WNT6: variants seen among roughly 807,000 people sequenced by gnomAD.
The protein encoded by WNT6 is Wnt family member 6.
In WNT6, 27 loss-of-function variants were observed where a neutral mutation model predicts 33.1. The ratio of observed to expected loss-of-function variants is 0.82; its 90% confidence interval spans 0.60 to 1.12. The LOEUF is 1.12. Among genes scored for constraint, WNT6 ranks in the 50% most tolerant of loss-of-function variants. WNT6 has a pLI of 0.00. For synonymous variants in WNT6, 249 were observed against 242.8 expected (o/e 1.03, Z -0.24); for missense variants, 494 against 535.3 (o/e 0.92, Z 0.76).
intron 1 of WNT6, 32 bp downstream of exon 1, chr2:218,860,149 C>T: frequency 6.7e-7 from 1 of 1,497,034 alleles, no homozygotes; most frequent in Non-Finnish European, 8.9e-7. Flanking sequence ...CGGCTCTGGA[C>T]CCTGGAGGGT....
chr2:218,860,013 C>T lies in WNT6; in HGVS notation c.-25C>T. ...GCCCCGCAGCCTCGCCCCCTGCCCA[C>T]CCGGGCGGCCGTAGGGCGGTCACGA... On this transcript the variant is annotated 5_prime_UTR_variant, in exon 1 of 4. Coordinates refer to ENST00000233948, the MANE Select transcript of WNT6 (RefSeq NM_006522.4). 1 of 1,429,368 alleles carries T rather than the reference C, an allele frequency of 7.0e-7. No individual in the cohort carries two copies. Among genetic ancestry groups the T allele is most frequent in the Non-Finnish European group, 9.2e-7 (1 of 1,088,952 alleles). 88.5% of individuals were successfully genotyped at this position (1,429,368 alleles called of 1,614,324 possible). A position where few individuals can be genotyped will look rare whatever the true frequency, so the allele number is the denominator to read the frequency against.
chr2:218,871,284 C>T lies in WNT6; in HGVS notation c.301+37C>T, dbSNP rs776865396. 7 of 1,579,526 alleles carry T rather than the reference C, an allele frequency of 4.4e-6. No individual in the cohort carries two copies. Among genetic ancestry groups the T allele is most frequent in the Non-Finnish European group, 6.0e-6 (7 of 1,158,716 alleles). On this transcript the variant is annotated intron_variant, in intron 2 of 3. Coordinates refer to ENST00000233948, the MANE Select transcript of WNT6 (RefSeq NM_006522.4). This position sits in a 1 kb window ranked among gnomAD's most constrained non-coding sequence, Gnocchi z 6.4. ...GAGGGGGCGGAAGTGGGGCTGCTTT[C>T]TCCCTGCTGTGGGACCCGAGGAGAG...
chr2:218,864,169 T>C (rs1944333754), intron 1 of WNT6, among the ~76,000 whole-genome samples: 1 of 152,192 alleles, frequency 6.6e-6, no homozygotes, highest in African/African-American at 2.4e-5. Context: ...ATACCTCCAA[T>C]CGGTGGATGT....
At chr2:218,863,771 C>T (rs1001128147) in intron 1 of WNT6, among the ~76,000 whole-genome samples, 5 of 152,188 alleles carry the variant, frequency 3.3e-5, no homozygotes, top group Non-Finnish European at 7.3e-5. Flanking sequence ...ATCACTCGAA[C>T]CTGGGAGGCT....
rs1400652211 is a variant in WNT6 at position 218,871,594 on chromosome 2, C to T, written c.411C>T (p.Pro137=). ...TGCTGCAGTGCGGCTGCCAGGCGCC[C>T]CGCGGGCGGGCCCCTCCCCGGCCCT... is the stretch of plus-strand genomic sequence containing the variant. ...GELLQCGCQA[P]RGRAPPRPSG... is the part of the protein sequence containing the mutation. The change falls in exon 3 of 4, where the codon CCC becomes CCT. Residue 137 remains proline, a synonymous_variant. Transcript: ENST00000233948. The surrounding 1 kb of genome is among the most constrained non-coding windows in gnomAD (Gnocchi z 6.4). 2.0e-6 allele frequency: 3 copies of T among 1,516,498 alleles called. No homozygotes were observed. The highest frequency in any genetic ancestry group is 2.6e-6 in the Non-Finnish European group (3 of 1,141,156). 93.9% of individuals were successfully genotyped at this position (1,516,498 alleles called of 1,614,324 possible). A position where few individuals can be genotyped will look rare whatever the true frequency, so the allele number is the denominator to read the frequency against.
At chr2:218,864,128 G>T (rs1015462996) in intron 1 of WNT6, among the ~76,000 whole-genome samples, 1 of 152,198 alleles carries the variant, frequency 6.6e-6, no homozygotes, top group Non-Finnish European at 1.5e-5. Context: ...CCCCCAGGAA[G>T]TTCTTTACAA....
In WNT6 at chr2:218,873,668, T is replaced by C; in HGVS notation, c.921T>C (p.Gly307=). Residue 307 remains glycine (G), a synonymous_variant, in exon 4 of 4, where the codon GGT becomes GGC. Transcript: ENST00000233948. The surrounding 1 kb of genome is among the most constrained non-coding windows in gnomAD (Gnocchi z 6.1). The part of the protein sequence containing the change: ...NRRTGSPGTR[G]RACNSSAPDL... ...GCACCGGCTCCCCCGGCACGCGCGG[T>C]CGCGCCTGCAATAGCAGCGCCCCGG... 1 of 1,582,174 alleles carries C rather than the reference T, an allele frequency of 6.3e-7. No individual in the cohort carries two copies. The highest frequency in any genetic ancestry group is 1.1e-5 in the South Asian group (1 of 88,548).
At position 218,873,623 on chromosome 2, in the gene WNT6, C is replaced by T. The variant is rs1402946858; in HGVS notation, c.876C>T (p.Asp292=). ...TCCTCTACGCCGCCGATTCGCCCGA[C>T]TTCTGCGCCCCCAACCGACGCACCG... ...ADLLYAADSP[D]FCAPNRRTGS... The change falls in exon 4 of 4, where the codon GAC becomes GAT. Residue 292 remains aspartate, a synonymous_variant. Coordinates refer to ENST00000233948, the MANE Select transcript of WNT6 (RefSeq NM_006522.4). This position sits in a 1 kb window ranked among gnomAD's most constrained non-coding sequence, Gnocchi z 6.1. 2 of 1,576,674 alleles carry T rather than the reference C, an allele frequency of 1.3e-6. No homozygotes were observed. The highest frequency in any genetic ancestry group is 1.7e-6 in the Non-Finnish European group (2 of 1,168,522).
Position 218,870,224 on chromosome 2 carries a change from T to TA in WNT6, c.81-786dup, listed in dbSNP as rs139408257. 4.5e-3 allele frequency among the ~76,000 whole-genome samples: 599 copies of TA among 132,960 alleles called. 1 individual carries two copies. Among genetic ancestry groups the TA allele is most frequent in the African/African-American group, 5.1e-3 (190 of 37,044 alleles). The allele number at this position is 132,960 out of a possible 152,430, so 87.2% of individuals were successfully genotyped here. A position where few individuals can be genotyped will look rare whatever the true frequency, so the allele number is the denominator to read the frequency against. ...TGACAGAGCAAGACTCCATCTCAATTAAAAAAAAAAAAAAAAAGAACGAAA... is the reference window on the plus strand; with the variant it reads ...TGACAGAGCAAGACTCCATCTCAATTAAAAAAAAAAAAAAAAAAGAACGAAA... On this transcript the variant is annotated intron_variant, in intron 1 of 3. Transcript: ENST00000233948.
intron 3 of WNT6, among the ~76,000 whole-genome samples, chr2:218,872,182 T>G (rs1430128076): frequency 2.0e-5 from 3 of 151,476 alleles, no homozygotes; most frequent in Non-Finnish European, 4.4e-5. Flanking sequence ...GGGTAGGAGG[T>G]CTGGATGCCT....
At chr2:218,866,486 T>A (rs1324518718) in intron 1 of WNT6, among the ~76,000 whole-genome samples, 1 of 152,146 alleles carries the variant, frequency 6.6e-6, no homozygotes, top group Non-Finnish European at 1.5e-5. Context: ...TCCACAATGC[T>A]GCCTGCACCC....
Position 218,874,163 on chromosome 2 carries a change from T to C in WNT6, c.*318T>C. On this transcript the variant is annotated 3_prime_UTR_variant, in exon 4 of 4. Transcript: ENST00000233948. ...AGCCAGTCTAAAGGCCTCTGGATAC[T>C]GGGCTCCCCAGAACTGCTGGCCACA... The C allele has an allele frequency of 2.9e-6, 1 of 349,820 alleles. No individual in the cohort carries two copies. Among genetic ancestry groups the C allele is most frequent in the East Asian group, 4.8e-5 (1 of 21,002 alleles). The allele number at this position is 349,820 out of a possible 1,614,324, so 21.7% of individuals were successfully genotyped here. A position where few individuals can be genotyped will look rare whatever the true frequency, so the allele number is the denominator to read the frequency against.
intron 1 of WNT6, among the ~76,000 whole-genome samples, 192 bp from the exon 2 acceptor site, chr2:218,870,835 A>T (rs976065513): frequency 2.0e-5 from 3 of 152,196 alleles, no homozygotes; most frequent in African/African-American, 7.2e-5. Context: ...ATCAGACTAG[A>T]CTCTAGTTAG....
At chr2:218,872,453 G>T (rs954056347) in intron 3 of WNT6, among the ~76,000 whole-genome samples, 3 of 152,174 alleles carry the variant, frequency 2.0e-5, no homozygotes, top group African/African-American at 7.2e-5. Flanking sequence ...CACCAGCCCA[G>T]GTCTCACCTG....
Position 218,871,095 on chromosome 2 carries a change from G to A in WNT6, c.149G>A (p.Arg50Gln), listed in dbSNP as rs1432729218. ...AGGAAGGCACGGCGGCTGGCCGGGC[G>A]GCAGGCCGAGTTGTGCCAGGCTGAG... ...ICRKARRLAGRQAELCQAEPE... is the reference protein window; with the variant it reads ...ICRKARRLAGQQAELCQAEPE... The change falls in exon 2 of 4, where the codon CGG becomes CAG. Residue 50 changes from arginine to glutamine, a missense_variant. Coordinates refer to ENST00000233948, the MANE Select transcript of WNT6 (RefSeq NM_006522.4). The surrounding 1 kb of genome is among the most constrained non-coding windows in gnomAD (Gnocchi z 6.4). 4 of 1,613,346 alleles carry A rather than the reference G, an allele frequency of 2.5e-6. No individual in the cohort carries two copies. The highest frequency in any genetic ancestry group is 1.7e-5 in the Admixed American group (1 of 59,980).
Position 218,871,965 on chromosome 2 carries a change from G to T in WNT6, c.636+146G>T. ...GGGAGTGCGCACGGGCGGAAAGATG[G>T]GCTGCAAGCATGGATGGACATGTGG... On this transcript the variant is annotated intron_variant, in intron 3 of 3. Transcript: ENST00000233948. The surrounding 1 kb of genome is among the most constrained non-coding windows in gnomAD (Gnocchi z 6.4). 1 of 820,714 alleles carries T rather than the reference G, an allele frequency of 1.2e-6. No individual in the cohort carries two copies. Among genetic ancestry groups the T allele is most frequent in the Non-Finnish European group, 1.8e-6 (1 of 558,518 alleles). The allele number at this position is 820,714 out of a possible 1,614,324, so 50.8% of individuals were successfully genotyped here. A position where few individuals can be genotyped will look rare whatever the true frequency, so the allele number is the denominator to read the frequency against.
At chr2:218,870,375 G>A (rs1944390141) in intron 1 of WNT6, among the ~76,000 whole-genome samples, 2 of 152,118 alleles carry the variant, frequency 1.3e-5, no homozygotes, top group African/African-American at 2.4e-5. Flanking sequence ...CAGGGTAGGA[G>A]GGCCCACCTT....
At chr2:218,862,016 G>A (rs1350041810) in intron 1 of WNT6, among the ~76,000 whole-genome samples, 3 of 152,198 alleles carry the variant, frequency 2.0e-5, no homozygotes, top group Non-Finnish European at 4.4e-5. Flanking sequence ...ACCTTTCTGG[G>A]CTCTGTATCT....
Position 218,873,708 on chromosome 2 carries a change from G to A in WNT6, c.961G>A (p.Asp321Asn). 1.3e-6 allele frequency: 2 copies of A among 1,575,284 alleles called. No individual in the cohort carries two copies. Among genetic ancestry groups the A allele is most frequent in the East Asian group, 2.3e-5 (1 of 42,734 alleles). The stretch of plus-strand genomic sequence containing the variant: ...CAGCGCCCCGGACCTCAGCGGCTGC[G>A]ACCTGCTGTGCTGCGGCCGCGGGCA... ...NSSAPDLSGC[D>N]LLCCGRGHRQ... Residue 321 changes from aspartate to asparagine, a missense_variant, in exon 4 of 4, where the codon GAC (aspartate) becomes AAC (asparagine). Coordinates refer to ENST00000233948, the MANE Select transcript of WNT6 (RefSeq NM_006522.4). The surrounding 1 kb of genome is among the most constrained non-coding windows in gnomAD (Gnocchi z 6.1).
Sources: gnomAD v4.1 joint callset for allele counts (sites outside exome capture counted in the v4.1 genomes callset) on GRCh38, gnomAD v4.1.1 for gene constraint, Gnocchi (gnomAD v3.1) non-coding constraint, MANE v1.5 for transcripts, NCBI Gene and HGNC (gene_info 2026-07-23, HGNC 2026-07-21) for gene names.